TRPM3: variants seen among roughly 807,000 people sequenced by gnomAD.
TRPM3 encodes the protein long transient receptor potential channel 3.
TRPM3 carries 77 observed loss-of-function variants against 181.2 expected under a neutral mutation model. The ratio of observed to expected loss-of-function variants is 0.42; its 90% CI spans 0.35 to 0.51. TRPM3 has a LOEUF of 0.51. Ranked by LOEUF, TRPM3 falls within the 20% of genes least tolerant of loss-of-function variation. TRPM3 has a pLI of 0.01. For synonymous variants in TRPM3, 745 were observed against 796.4 expected, an observed-to-expected ratio of 0.94 and a Z score of 1.09; for missense variants, 1,759 against 2,196.7, an observed-to-expected ratio of 0.80 and a Z score of 3.98.
intron 1 of TRPM3, among the ~76,000 whole-genome samples, chr9:71,090,862 T>C (rs149635991): frequency 6.6e-6 from 1 of 152,282 alleles, no homozygotes; most frequent in African/African-American, 2.4e-5. Flanking sequence ...GCCGGGCATA[T>C]AGGAAGTACT....
At chr9:70,688,496 G>A (rs533454593) in intron 8 of TRPM3, among the ~76,000 whole-genome samples, 1 of 152,154 alleles carries the variant, frequency 6.6e-6, no homozygotes, top group South Asian at 2.1e-4. Context: ...TTATGCCTTT[G>A]CATCCTCATA....
intron 1 of TRPM3, among the ~76,000 whole-genome samples, chr9:70,928,518 A>G (rs2096743441): frequency 6.6e-6 from 1 of 152,138 alleles, no homozygotes; most frequent in South Asian, 2.1e-4. Context: ...AATTTAATCT[A>G]AACACACACA....
At position 70,907,143 on chromosome 9, in the gene TRPM3, A is replaced by G. The variant is rs909397520; in HGVS notation, c.178-42632T>C. Among the ~76,000 whole-genome samples the G allele has an allele frequency of 2.0e-5, 3 of 152,298 alleles. No homozygotes were observed. The East Asian group carries it at 5.8e-4, about 29-fold the overall frequency. ...TTATCCACTGATTCTATATGTTTAA[A>G]TATGTCTACTTGCTAAAATGTATTT... is the stretch of plus-strand genomic sequence containing the variant. On this transcript the variant is annotated intron_variant, in intron 1 of 25. Coordinates refer to ENST00000677713, the MANE Select transcript of TRPM3 (RefSeq NM_001366145.2).
At chr9:71,153,837 G>A (rs1326394754) in intron 1 of TRPM3, among the ~76,000 whole-genome samples, 1 of 152,066 alleles carries the variant, frequency 6.6e-6, no homozygotes, top group Non-Finnish European at 1.5e-5. Context: ...GCTCTAAGAT[G>A]GGACCCAACA....
At chr9:70,646,090 A>AT (rs2058796438) in intron 9 of TRPM3, among the ~76,000 whole-genome samples, 1 of 152,242 alleles carries the variant, frequency 6.6e-6, no homozygotes. Flanking sequence ...GATGCTGGAA[A>AT]GGATGTGGAG....
intron 8 of TRPM3, among the ~76,000 whole-genome samples, chr9:70,698,023 C>T (rs1310163853): frequency 1.3e-5 from 2 of 152,028 alleles, no homozygotes; most frequent in East Asian, 1.9e-4. Flanking sequence ...GCCTAGCCAA[C>T]ATGGTGAAAC....
At chr9:70,874,851 T>TA (rs552760856) in intron 1 of TRPM3, among the ~76,000 whole-genome samples, 5 of 151,268 alleles carry the variant, frequency 3.3e-5, no homozygotes, top group East Asian at 1.9e-4. Flanking sequence ...GATTAACTAC[T>TA]AAAAAAAAAT....
intron 1 of TRPM3, among the ~76,000 whole-genome samples, chr9:71,087,565 C>T (rs529543698): frequency 6.6e-6 from 1 of 152,120 alleles, no homozygotes; most frequent in East Asian, 1.9e-4. Flanking sequence ...CCTTGTAGAA[C>T]CCAGCAGTGA....
chr9:71,391,829 C>T (rs77988884), intron 1 of TRPM3, among the ~76,000 whole-genome samples: 1,709 of 152,130 alleles, frequency 0.011, 39 homozygotes, highest in African/African-American at 0.039. Flanking sequence ...GTTCTTTCAG[C>T]TGGCTGAAGA....
At chr9:71,190,880 G>A (rs746723987) in intron 1 of TRPM3, among the ~76,000 whole-genome samples, 1 of 151,776 alleles carries the variant, frequency 6.6e-6, no homozygotes, top group Non-Finnish European at 1.5e-5. Flanking sequence ...CAGCAATGAA[G>A]GCCATTCACA....
chr9:71,343,826 T>TCCA (rs2091119295), intron 1 of TRPM3, among the ~76,000 whole-genome samples: 1 of 152,052 alleles, frequency 6.6e-6, no homozygotes, highest in African/African-American at 2.4e-5. Flanking sequence ...AAATATAAGA[T>TCCA]GAGCCTGGGT....
chr9:71,242,960 G>C (rs909586184), intron 1 of TRPM3, among the ~76,000 whole-genome samples: 1 of 152,082 alleles, frequency 6.6e-6, no homozygotes, highest in South Asian at 2.1e-4. Context: ...AGTGTAGCTG[G>C]GGTACATTGA....
At chr9:71,125,035 G>A (rs1038223939), upstream of TRPM3, among the ~76,000 whole-genome samples, 1 of 152,166 alleles carries the variant, frequency 6.6e-6, no homozygotes, top group Non-Finnish European at 1.5e-5. Context: ...AGTGCAGAAG[G>A]ATGATATTTA....
chr9:70,536,475 G>A lies in TRPM3; in HGVS notation c.4638C>T (p.Asn1546=), dbSNP rs1282218990. 1 of 1,614,180 alleles carries A rather than the reference G, an allele frequency of 6.2e-7. No homozygotes were observed. The highest frequency in any genetic ancestry group is 1.7e-5 in the Admixed American group (1 of 60,026). Residue 1546 remains asparagine (N), a synonymous_variant, in exon 26 of 26, where the codon AAC becomes AAT. Transcript: ENST00000677713. ...CTGCTGTTTTTACAGGCACCCCAAA[G>A]TTGGCATAATAGCTCCTTGAGGGGG... ...MFSPSRSYYA[N]FGVPVKTAEY... is the part of the protein sequence containing the mutation.
At chr9:71,243,786 G>C (rs1039792182) in intron 1 of TRPM3, among the ~76,000 whole-genome samples, 1 of 152,204 alleles carries the variant, frequency 6.6e-6, no homozygotes, top group African/African-American at 2.4e-5. Flanking sequence ...AGGGGCTAGG[G>C]AAGATGCACA....
intron 7 of TRPM3, among the ~76,000 whole-genome samples, chr9:70,779,445 C>T (rs11795184): frequency 0.22 from 33,645 of 152,054 alleles, 4,499 homozygotes; most frequent in Non-Finnish European, 0.3. Flanking sequence ...GGAACACAAA[C>T]GCATTTGGAT....
chr9:71,248,681 T>C (rs780400137), intron 1 of TRPM3, among the ~76,000 whole-genome samples: 3 of 152,214 alleles, frequency 2.0e-5, no homozygotes, highest in Non-Finnish European at 4.4e-5. Flanking sequence ...TTACTCTTGT[T>C]GTCTGCTTGA....
At chr9:70,925,093 A>G (rs1214528236) in intron 1 of TRPM3, among the ~76,000 whole-genome samples, 1 of 152,152 alleles carries the variant, frequency 6.6e-6, no homozygotes, top group Non-Finnish European at 1.5e-5. Flanking sequence ...CACATTCTCC[A>G]GTACTTGGCT....
intron 3 of TRPM3, among the ~76,000 whole-genome samples, chr9:70,855,852 T>C (rs1349249382): frequency 6.7e-6 from 1 of 149,384 alleles, no homozygotes; most frequent in Non-Finnish European, 1.5e-5. Context: ...AAGAGTTTAA[T>C]GCTTATGATG....
Sources: allele counts gnomAD v4.1 joint callset (sites outside exome capture counted in the v4.1 genomes callset), GRCh38; gene constraint gnomAD v4.1.1; transcripts MANE v1.5; gene names NCBI Gene and HGNC (gene_info 2026-07-23, HGNC 2026-07-21).